The following SLC12A6 variants were observed in gnomAD, a reference collection of about 807,000 sequenced individuals.
SLC12A6 encodes the protein solute carrier family 12 member 6.
Under a neutral mutation model 135.3 loss-of-function variants are expected in SLC12A6, and 66 were observed. The observed-to-expected ratio is 0.49, with a 90% CI of 0.40 to 0.60. The LOEUF is 0.60. SLC12A6 is among the 20% of genes least tolerant of loss of function. The pLI, the probability that SLC12A6 is intolerant of heterozygous loss-of-function variation, is 0.00. For missense variants in SLC12A6, 1,058 were observed against 1,452.3 expected, an observed-to-expected ratio of 0.73 and a Z score of 4.41; for synonymous variants, 513 against 508.8, an observed-to-expected ratio of 1.01 and a Z score of -0.11.
At chr15:34,314,193 C>T in intron 2 of SLC12A6, among the ~76,000 whole-genome samples, 1 of 152,086 alleles carries the variant, frequency 6.6e-6, no homozygotes, top group East Asian at 1.9e-4. Flanking sequence ...GATTTACAGG[C>T]ATATGCCACC....
In SLC12A6 at chr15:34,233,754, G is replaced by T; in HGVS notation, c.*127C>A. On this transcript the variant is annotated 3_prime_UTR_variant, in exon 26 of 26. Coordinates refer to ENST00000354181, the MANE Select transcript of SLC12A6 (RefSeq NM_001365088.1). ...AGGTACTTGAGGCTCAGCTCATCAA[G>T]AGTTCAGTATGATGTGTACAGAACA... The T allele has an allele frequency of 5.6e-6, 4 of 711,258 alleles. No individual in the cohort carries two copies. The East Asian group carries it at 8.0e-5, about 14-fold the overall frequency. The allele number at this position is 711,258 out of a possible 1,614,324, so 44.1% of individuals were successfully genotyped here.
intron 2 of SLC12A6, among the ~76,000 whole-genome samples, chr15:34,289,138 T>C (rs1018128917): frequency 6.6e-6 from 1 of 152,204 alleles, no homozygotes; most frequent in Non-Finnish European, 1.5e-5. Context: ...GAATAGCTCT[T>C]ATTATTTTGA....
At chr15:34,311,705 G>A (rs544297919) in intron 2 of SLC12A6, among the ~76,000 whole-genome samples, 85 of 152,318 alleles carry the variant, frequency 5.6e-4, no homozygotes, top group African/African-American at 2.0e-3. Flanking sequence ...ACAGAGTGGA[G>A]AAAGGATGAA....
At chr15:34,235,718 G>A (rs1056933518) in intron 24 of SLC12A6, among the ~76,000 whole-genome samples, 9 of 152,154 alleles carry the variant, frequency 5.9e-5, no homozygotes, top group Non-Finnish European at 8.8e-5. Flanking sequence ...GATTACAGGC[G>A]TGAGCCACTG....
chr15:34,244,286 T>C (rs188131214), intron 15 of SLC12A6, among the ~76,000 whole-genome samples: 260 of 152,364 alleles, frequency 1.7e-3, no homozygotes, highest in Middle Eastern at 0.01. Context: ...CCAGTTGTTC[T>C]TAGGATAATC....
In SLC12A6 at chr15:34,254,417, C is replaced by A; in HGVS notation, c.1049G>T (p.Cys350Phe). ...VNKFASLFLACVIVSILAIYA... is the reference protein window; with the variant it reads ...VNKFASLFLAFVIVSILAIYA... The stretch of plus-strand genomic sequence containing the variant: ...GATGGCCAAGATGGACACAATGACA[C>A]AGGCCAGGAAAAGTGAGGCAAACTT... Residue 350 changes from cysteine to phenylalanine, a missense_variant, in exon 9 of 26, where the codon TGT becomes TTT. Physicochemically the swap from Cys to Phe is radical, Grantham distance 205 (BLOSUM62 -2). This residue lies in a region of SLC12A6 where 297 missense variants were observed against 318.5 expected (regional missense o/e 0.93). Coordinates refer to ENST00000354181, the MANE Select transcript of SLC12A6 (RefSeq NM_001365088.1). 1 of 1,613,456 alleles carries A rather than the reference C, an allele frequency of 6.2e-7. No individual in the cohort carries two copies. Among genetic ancestry groups the A allele is most frequent in the Non-Finnish European group, 8.5e-7 (1 of 1,179,384 alleles).
At chr15:34,266,008 C>CTTTTTTTTTTTTTTTTTT (rs34173980) in intron 3 of SLC12A6, among the ~76,000 whole-genome samples, 1 of 102,322 alleles carries the variant, frequency 9.8e-6, no homozygotes, top group African/African-American at 3.8e-5. Context: ...ATACAGAAAG[C>CTTTTTTTTTTTTTTTTTT]TTTTTTTTTT....
At chr15:34,317,435 G>A (rs1157540549) in intron 2 of SLC12A6, among the ~76,000 whole-genome samples, 1 of 152,188 alleles carries the variant, frequency 6.6e-6, no homozygotes, top group Non-Finnish European at 1.5e-5. Flanking sequence ...CGGACGCAGT[G>A]GCTCACACCT....
chr15:34,245,755 G>A lies in SLC12A6; in HGVS notation c.1762C>T (p.Leu588Phe). Residue 588 changes from leucine (L) to phenylalanine (F), a missense_variant, in exon 14 of 26, where the codon CTC (leucine) becomes TTC (phenylalanine). By Grantham distance (22) the Leu-to-Phe change is conservative (BLOSUM62 0). Coordinates refer to ENST00000354181, the MANE Select transcript of SLC12A6 (RefSeq NM_001365088.1). ...FSTCGAGLQS[L>F]TGAPRLLQAI... ...TGTAGCAGCCTCGGTGCACCTGTGA[G>A]GCTCTGAAGTCCAGCCCCACATGTT... 1 of 1,613,864 alleles carries A rather than the reference G, an allele frequency of 6.2e-7. No homozygotes were observed. Among genetic ancestry groups the A allele is most frequent in the Non-Finnish European group, 8.5e-7 (1 of 1,179,780 alleles).
At chr15:34,249,091 T>C (rs911210182) in intron 13 of SLC12A6, among the ~76,000 whole-genome samples, 5 of 152,020 alleles carry the variant, frequency 3.3e-5, no homozygotes, top group Non-Finnish European at 7.4e-5. Context: ...ATGTTCAAAT[T>C]TTGTGTTTTA....
intron 22 of SLC12A6, 62 bp downstream of exon 22, chr15:34,237,356 CA>C: frequency 6.7e-7 from 1 of 1,486,486 alleles, no homozygotes; most frequent in South Asian, 1.1e-5. Flanking sequence ...AGAAAAGATT[CA>C]AGGAAGACAG....
At chr15:34,263,465 T>C (rs1893293797) in intron 3 of SLC12A6, among the ~76,000 whole-genome samples, 1 of 152,128 alleles carries the variant, frequency 6.6e-6, no homozygotes, top group Non-Finnish European at 1.5e-5. Flanking sequence ...CATTTAACTA[T>C]TATTTTTGTA....
At chr15:34,234,613 C>G (rs1891131976) in intron 25 of SLC12A6, among the ~76,000 whole-genome samples, 1 of 152,030 alleles carries the variant, frequency 6.6e-6, no homozygotes, top group African/African-American at 2.4e-5. Context: ...CTCAGGTGAT[C>G]CACCTGCCTT....
At chr15:34,287,714 T>A (rs1264490922) in intron 2 of SLC12A6, among the ~76,000 whole-genome samples, 1 of 152,252 alleles carries the variant, frequency 6.6e-6, no homozygotes, top group Non-Finnish European at 1.5e-5. Context: ...TGATTTGCAT[T>A]TCTCTGATGA....
chr15:34,236,019 G>A lies in SLC12A6; in HGVS notation c.3223C>T (p.Arg1075Cys). 4 of 1,612,314 alleles carry A rather than the reference G, an allele frequency of 2.5e-6. No homozygotes were observed. Among genetic ancestry groups the A allele is most frequent in the East Asian group, 2.2e-5 (1 of 44,864 alleles). ...CTTGGGAGTGGGAAAACTTACGGAC[G>A]CATGTTAAGCAGGTCCTGGAATCCT... ...MEGFQDLLNM[R>C]PDQSNVRRMH... is the part of the protein sequence containing the mutation. Residue 1075 changes from arginine (R) to cysteine (C), a missense_variant, in exon 24 of 26, where the codon CGT becomes TGT. Coordinates refer to ENST00000354181, the MANE Select transcript of SLC12A6 (RefSeq NM_001365088.1).
intron 2 of SLC12A6, among the ~76,000 whole-genome samples, chr15:34,319,407 G>T (rs981987222): frequency 2.6e-5 from 4 of 151,942 alleles, no homozygotes; most frequent in Non-Finnish European, 5.9e-5. Context: ...CTCCCACAGT[G>T]CTGGGATTAA....
At chr15:34,235,100 G>T in intron 25 of SLC12A6, 81 bp downstream of exon 25, 1 of 1,270,940 alleles carries the variant, frequency 7.9e-7, no homozygotes, top group Non-Finnish European at 1.2e-6. Flanking sequence ...CATAGACAAT[G>T]ACTTTTATTG....
intron 2 of SLC12A6, among the ~76,000 whole-genome samples, chr15:34,326,090 A>T (rs1889439240): frequency 6.6e-6 from 1 of 152,216 alleles, no homozygotes; most frequent in South Asian, 2.1e-4. Context: ...ATACCAAAGC[A>T]GGCATTATCA....
Position 34,236,190 on chromosome 15 carries a change from C to A in SLC12A6, c.3052G>T (p.Val1018Leu). ...CGTAGCATTGAGTTTCGGTCTTTCA[C>A]CAATTGTGCCTGAGGAAGAAGGTCC... ...KTERDREAQL[V>L]KDRNSMLRLT... The change falls in exon 24 of 26, where the codon GTG becomes TTG. Residue 1018 changes from valine (V) to leucine (L), a missense_variant. Around this residue, in one of 6 missense-constraint regions of SLC12A6, gnomAD observed 245 missense variants for 440.8 expected, o/e 0.56. Coordinates refer to ENST00000354181, the MANE Select transcript of SLC12A6 (RefSeq NM_001365088.1). The A allele has an allele frequency of 6.2e-7, 1 of 1,613,570 alleles. No individual in the cohort carries two copies. Among genetic ancestry groups the A allele is most frequent in the Non-Finnish European group, 8.5e-7 (1 of 1,179,520 alleles).
Sources: allele counts gnomAD v4.1 joint callset (sites outside exome capture counted in the v4.1 genomes callset), GRCh38; gene constraint gnomAD v4.1.1; regional missense constraint gnomAD v4.1.1; transcripts MANE v1.5; gene names NCBI Gene and HGNC (gene_info 2026-07-23, HGNC 2026-07-21).